The following PTPN9 variants were observed in gnomAD, a reference collection of about 807,000 sequenced individuals.
The protein encoded by PTPN9 is protein tyrosine phosphatase non-receptor type 9, also known as tyrosine-protein phosphatase non-receptor type 9.
In PTPN9, 26 loss-of-function variants were observed where a neutral mutation model predicts 69.8. That is an observed-to-expected ratio of 0.37 (90% CI 0.27 to 0.52). The LOEUF (loss-of-function observed/expected upper bound fraction) is 0.52, where lower values mean the gene tolerates loss of function less well. Among genes scored for constraint, PTPN9 ranks in the 20% least tolerant of loss-of-function variants. The probability of loss-of-function intolerance (pLI) is 0.91; values close to 1 mark genes in which losing one functional copy is unlikely to be tolerated. For synonymous variants in PTPN9, 274 were observed against 272.5 expected (o/e 1.01, Z -0.05); for missense variants, 549 against 740.3 (o/e 0.74, Z 3.00).
intron 5 of PTPN9, 91 bp downstream of exon 5, chr15:75,517,168 G>A (rs1222674460): frequency 2.3e-6 from 2 of 888,184 alleles, no homozygotes; most frequent in Non-Finnish European, 3.4e-6. Context: ...TCTGAAGTTT[G>A]CATCTTTCCT....
chr15:75,550,347 G>A (rs1376822976), intron 1 of PTPN9, among the ~76,000 whole-genome samples: 1 of 151,558 alleles, frequency 6.6e-6, no homozygotes, highest in African/African-American at 2.4e-5. Flanking sequence ...TGTACTTTCA[G>A]TAGAGACGGG....
At chr15:75,484,869 A>G (rs937990046) in intron 8 of PTPN9, among the ~76,000 whole-genome samples, 1 of 152,152 alleles carries the variant, frequency 6.6e-6, no homozygotes, top group African/African-American at 2.4e-5. Flanking sequence ...ACCTCCTAAG[A>G]TATCTCCACC....
intron 8 of PTPN9, among the ~76,000 whole-genome samples, chr15:75,489,043 T>C (rs548515261): frequency 1.7e-3 from 252 of 151,362 alleles, no homozygotes; most frequent in African/African-American, 5.8e-3. Flanking sequence ...GGCGTGGTGG[T>C]GGGCACCTGT....
intron 4 of PTPN9, among the ~76,000 whole-genome samples, chr15:75,518,484 GAGGGAAAAGAAAGAAAAAAA>G: frequency 7.2e-6 from 1 of 138,826 alleles, no homozygotes; most frequent in African/African-American, 2.8e-5. Context: ...AAAAAAAAAA[GAGGGAAAAGAAAGAAAAAAA>G]AGTAGATTAA....
At chr15:75,541,596 C>T (rs533848773) in intron 1 of PTPN9, among the ~76,000 whole-genome samples, 31 of 151,500 alleles carry the variant, frequency 2.0e-4, no homozygotes, top group African/African-American at 6.3e-4. Flanking sequence ...TTAGTAGAGA[C>T]GGGATTTCAC....
At chr15:75,530,423 ATATTATAATATATAATATATTAT>A (rs1334278033) in intron 1 of PTPN9, among the ~76,000 whole-genome samples, 3 of 106,886 alleles carry the variant, frequency 2.8e-5, no homozygotes, top group Non-Finnish European at 5.3e-5. Flanking sequence ...ATTATATATT[ATATTATAATATATAATATATTAT>A]TATTATAATA....
At chr15:75,487,647 G>A (rs1299021934) in intron 8 of PTPN9, 1 of 152,086 alleles carries the variant, frequency 6.6e-6, no homozygotes, top group African/African-American at 2.4e-5. Context: ...ACTCCTTCAG[G>A]GCATATACGA....
At position 75,468,565 on chromosome 15, in the gene PTPN9, A is replaced by C. The variant is rs191583191; in HGVS notation, c.*204T>G. The C allele has an allele frequency of 1.9e-4, 98 of 515,922 alleles. 1 individual carries two copies. In the East Asian group the frequency reaches 2.5e-3, roughly 13 times the overall value. 32.0% of individuals were successfully genotyped at this position (515,922 alleles called of 1,614,324 possible). ...AGCAGATGCTAGGAATTAAGAACAC[A>C]TTGCTACTGGCCCTTTCTAGTGGCA... On this transcript the variant is annotated 3_prime_UTR_variant, in exon 13 of 13. Transcript: ENST00000618819.
At chr15:75,480,706 C>T (rs1017455190) in intron 8 of PTPN9, 12 of 1,316,830 alleles carry the variant, frequency 9.1e-6, no homozygotes, top group Non-Finnish European at 1.2e-5. Flanking sequence ...ACCGCCGCCC[C>T]ACAGCCGGGA....
At chr15:75,493,531 T>TGG (rs2074722883) in intron 7 of PTPN9, among the ~76,000 whole-genome samples, 1 of 151,740 alleles carries the variant, frequency 6.6e-6, no homozygotes, top group Admixed American at 6.6e-5. Flanking sequence ...GAGGCTGGGG[T>TGG]GGACGGATTA....
At chr15:75,571,209 G>A (rs1257454072) in intron 1 of PTPN9, among the ~76,000 whole-genome samples, 3 of 151,714 alleles carry the variant, frequency 2.0e-5, no homozygotes, top group Non-Finnish European at 4.4e-5. Context: ...GCAGTGAGCC[G>A]AGATCATGCC....
chr15:75,530,134 G>A (rs8024614), intron 1 of PTPN9, among the ~76,000 whole-genome samples: 2,702 of 147,356 alleles, frequency 0.018, 90 homozygotes, highest in African/African-American at 0.064. Context: ...CCAGGAGGTG[G>A]GGTTGTAGTG....
At chr15:75,557,432 A>C (rs1291936290) in intron 1 of PTPN9, among the ~76,000 whole-genome samples, 2 of 151,840 alleles carry the variant, frequency 1.3e-5, no homozygotes, top group African/African-American at 4.8e-5. Context: ...CTCAAAAAAA[A>C]AAACACAAAA....
Position 75,488,594 on chromosome 15 carries a change from C to G in PTPN9, c.1062+1614G>C, listed in dbSNP as rs551767817. Among the ~76,000 whole-genome samples, 12 of 150,350 alleles carry G rather than the reference C, an allele frequency of 8.0e-5. No homozygotes were observed. In the South Asian group the frequency reaches 2.5e-3, roughly 32 times the overall value. ...GAGGATTGCTTGAGCCCAGGAAGAACTTAGGCAACACAGCGAGACCCTAGG... is the reference window on the plus strand; with the variant it reads ...GAGGATTGCTTGAGCCCAGGAAGAAGTTAGGCAACACAGCGAGACCCTAGG... On this transcript the variant is annotated intron_variant, in intron 8 of 12. Coordinates refer to ENST00000618819, the MANE Select transcript of PTPN9 (RefSeq NM_002833.4).
At chr15:75,480,705 C>A in intron 8 of PTPN9, 2 of 1,317,926 alleles carry the variant, frequency 1.5e-6, no homozygotes, top group South Asian at 1.5e-5. Flanking sequence ...CACCGCCGCC[C>A]CACAGCCGGG....
chr15:75,491,415 A>C (rs114363841), intron 7 of PTPN9, among the ~76,000 whole-genome samples: 78 of 151,680 alleles, frequency 5.1e-4, no homozygotes, highest in African/African-American at 1.8e-3. Flanking sequence ...AAAAAAAAAA[A>C]AATAATTAAA....
intron 10 of PTPN9, 137 bp from the exon 11 acceptor site, chr15:75,470,967 A>G: frequency 9.2e-7 from 1 of 1,089,954 alleles, no homozygotes; most frequent in Non-Finnish European, 1.3e-6. Flanking sequence ...ATTGATTCTC[A>G]GCAGAAAGGA....
chr15:75,505,596 A>AG (rs1434239805), intron 7 of PTPN9, 79 bp downstream of exon 7: 3 of 1,040,230 alleles, frequency 2.9e-6, no homozygotes, highest in Admixed American at 1.9e-5. Flanking sequence ...TAAGCAAGTG[A>AG]GGGGTGGAAG....
Position 75,523,176 on chromosome 15 carries a change from C to A in PTPN9, c.367G>T (p.Val123Phe). ...TARLHHPHKS[V>F]QHVVLQALFY... The stretch of plus-strand genomic sequence containing the variant: ...AGAGCCTGAAGTACCACATGTTGGA[C>A]TGACTTGTGGGGATGATGCAACCTG... The change falls in exon 4 of 13, where the codon GTC becomes TTC. Residue 123 changes from valine (V) to phenylalanine (F), a missense_variant. By Grantham distance (50) the Val-to-Phe change is conservative. Coordinates refer to ENST00000618819, the MANE Select transcript of PTPN9 (RefSeq NM_002833.4). The A allele has an allele frequency of 3.7e-6, 6 of 1,614,164 alleles. No homozygotes were observed. The highest frequency in any genetic ancestry group is 5.1e-6 in the Non-Finnish European group (6 of 1,180,024).
Sources: allele counts gnomAD v4.1 joint callset (sites outside exome capture counted in the v4.1 genomes callset), GRCh38; gene constraint gnomAD v4.1.1; transcripts MANE v1.5; gene names NCBI Gene and HGNC (gene_info 2026-07-23, HGNC 2026-07-21).